Variants in COPG2 observed in about 807,000 individuals in gnomAD.
COPG2 encodes the protein coat protein complex I subunit gamma 2.
A neutral mutation model predicts 46.3 loss-of-function variants in COPG2; 37 were observed. The observed-to-expected ratio is 0.80, with a 90% CI of 0.61 to 1.05. The LOEUF (loss-of-function observed/expected upper bound fraction) is 1.05, where lower values mean the gene tolerates loss of function less well. Among genes scored for constraint, COPG2 ranks in the 50% least tolerant of loss-of-function variants. The pLI, the probability that COPG2 is intolerant of heterozygous loss-of-function variation, is 0.00. For missense variants in COPG2, 427 were observed against 387.8 expected, an observed-to-expected ratio of 1.10 and a Z score of -0.85; for synonymous variants, 159 against 129.7, an observed-to-expected ratio of 1.23 and a Z score of -1.53.
chr7:130,612,384 C>T (rs563413446), intron 7 of COPG2, 146 bp from the exon 8 acceptor site: 11 of 587,890 alleles, frequency 1.9e-5, no homozygotes, highest in East Asian at 2.9e-5. Context: ...TGTGTCTTTA[C>T]TCCTGGAGCA....
chr7:130,590,888 C>T (rs1794391621), intron 9 of COPG2, among the ~76,000 whole-genome samples: 1 of 149,770 alleles, frequency 6.7e-6, no homozygotes, highest in Non-Finnish European at 1.5e-5. Flanking sequence ...AGTGAGGAGA[C>T]CCTCTGCCTG....
chr7:130,517,708 A>AT (rs1222284238), intron 20 of COPG2, among the ~76,000 whole-genome samples: 1 of 152,234 alleles, frequency 6.6e-6, no homozygotes, highest in Non-Finnish European at 1.5e-5. Flanking sequence ...TGCTATGATA[A>AT]TTTAATGCTA....
chr7:130,667,022 G>T, intron 2 of COPG2, 93 bp from the exon 3 acceptor site: 2 of 647,314 alleles, frequency 3.1e-6, no homozygotes, highest in Non-Finnish European at 2.6e-6. Context: ...TTTTAATCAC[G>T]GTATCCAAAG....
chr7:130,663,443 A>G (rs1163924875), intron 3 of COPG2, among the ~76,000 whole-genome samples: 1 of 152,174 alleles, frequency 6.6e-6, no homozygotes, highest in Non-Finnish European at 1.5e-5. Flanking sequence ...CTAACATGTC[A>G]TGGGAGCATA....
At chr7:130,637,574 C>T (rs1263073389) in intron 5 of COPG2, among the ~76,000 whole-genome samples, 1 of 152,122 alleles carries the variant, frequency 6.6e-6, no homozygotes, top group African/African-American at 2.4e-5. Flanking sequence ...TCAGCTACAT[C>T]AGGTTATTTA....
chr7:130,545,732 CAA>C (rs1316142366), intron 20 of COPG2, among the ~76,000 whole-genome samples: 4 of 152,014 alleles, frequency 2.6e-5, no homozygotes, highest in Non-Finnish European at 5.9e-5. Context: ...AACCATCAAG[CAA>C]AAGAGTCCAT....
intron 9 of COPG2, among the ~76,000 whole-genome samples, chr7:130,588,487 T>C (rs1794330174): frequency 6.6e-6 from 1 of 152,110 alleles, no homozygotes; most frequent in Non-Finnish European, 1.5e-5. Context: ...TGAGTTCATG[T>C]TCTTTGTAGG....
At chr7:130,547,411 T>G in intron 20 of COPG2, 1 of 338,996 alleles carries the variant, frequency 2.9e-6, no homozygotes, top group Non-Finnish European at 5.3e-6. Context: ...TTTGTGCTAC[T>G]GCTATACACA....
intron 15 of COPG2, 30 bp downstream of exon 15, chr7:130,552,325 T>G (rs2116388692): frequency 2.5e-6 from 1 of 398,198 alleles, no homozygotes; most frequent in South Asian, 1.3e-4. Flanking sequence ...AATTCTTATT[T>G]TTTTTTAGAA....
intron 9 of COPG2, among the ~76,000 whole-genome samples, chr7:130,564,695 C>A (rs1397421846): frequency 2.2e-4 from 34 of 152,132 alleles, no homozygotes; most frequent in Admixed American, 2.2e-3. Flanking sequence ...TCTCAATTTC[C>A]ATGCACCTCT....
rs185183987 is a variant in COPG2, at chr7:130,571,868, C to T, written c.738-7475G>A. Among the ~76,000 whole-genome samples, 736 of 151,638 alleles carry T rather than the reference C, an allele frequency of 4.9e-3. 3 individuals are homozygous for T. Among genetic ancestry groups the T allele is most frequent in the Middle Eastern group, 0.02 (6 of 294 alleles). ...CTCTATATATATATATATACACAAACGCGCGCACACACACATATATACACC... is the reference window on the plus strand; with the variant it reads ...CTCTATATATATATATATACACAAATGCGCGCACACACACATATATACACC... On this transcript the variant is annotated intron_variant, in intron 9 of 23. Transcript: ENST00000425248.
At position 130,659,353 on chromosome 7, in the gene COPG2, T is replaced by TCAAAAAAAAAAAAA. The variant is rs1178458658; in HGVS notation, c.243+3600_243+3613dup. Among the ~76,000 whole-genome samples the TCAAAAAAAAAAAAA allele has an allele frequency of 8.6e-4, 6 of 7,006 alleles. 1 individual carries two copies. Among genetic ancestry groups the TCAAAAAAAAAAAAA allele is most frequent in the Non-Finnish European group, 3.1e-3 (5 of 1,632 alleles). 4.6% of individuals were successfully genotyped at this position (7,006 alleles called of 152,430 possible). A position where few individuals can be genotyped will look rare whatever the true frequency, so the allele number is the denominator to read the frequency against. ...CTGGGCGACAGAGCAAGACTCCGTC[T>TCAAAAAAAAAAAAA]CAAAAAAAAAAAAAACGAACAAACA... On this transcript the variant is annotated intron_variant, in intron 4 of 23. Coordinates refer to ENST00000425248, the MANE Select transcript of COPG2 (RefSeq NM_012133.6).
chr7:130,512,749 AAAG>A (rs1317110816), intron 20 of COPG2, among the ~76,000 whole-genome samples: 5 of 152,162 alleles, frequency 3.3e-5, no homozygotes, highest in Admixed American at 2.0e-4. Flanking sequence ...CGTCTCAAAA[AAAG>A]AAAAAAGAGA....
intron 5 of COPG2, among the ~76,000 whole-genome samples, chr7:130,649,530 G>A (rs1403805447): frequency 6.6e-6 from 1 of 152,112 alleles, no homozygotes; most frequent in African/African-American, 2.4e-5. Context: ...CAGTATACAA[G>A]CCTGATGAGC....
intron 4 of COPG2, among the ~76,000 whole-genome samples, chr7:130,660,975 G>A (rs1345484598): frequency 5.9e-5 from 9 of 152,100 alleles, no homozygotes; most frequent in African/African-American, 2.2e-4. Context: ...CACTAACCTG[G>A]CAAAACTTCA....
chr7:130,666,282 GATCTTGCACTGT>G (rs1796077886), intron 3 of COPG2, among the ~76,000 whole-genome samples: 1 of 152,166 alleles, frequency 6.6e-6, no homozygotes, highest in African/African-American at 2.4e-5. Flanking sequence ...GAATTTGCCT[GATCTTGCACTGT>G]ATTTTCAGAA....
At chr7:130,570,106 A>G (rs1793870994) in intron 9 of COPG2, among the ~76,000 whole-genome samples, 6 of 152,220 alleles carry the variant, frequency 3.9e-5, no homozygotes, top group Admixed American at 3.9e-4. Flanking sequence ...ATTATACTGA[A>G]CAGGAAAAAG....
chr7:130,535,806 T>A (rs1276846818), intron 20 of COPG2, among the ~76,000 whole-genome samples: 1 of 151,944 alleles, frequency 6.6e-6, no homozygotes, highest in Non-Finnish European at 1.5e-5. Context: ...GGTGGACAAT[T>A]ACATGTTGAG....
At chr7:130,527,045 G>C (rs1316229578) in intron 20 of COPG2, among the ~76,000 whole-genome samples, 23 of 151,844 alleles carry the variant, frequency 1.5e-4, no homozygotes, top group Non-Finnish European at 4.4e-5. Context: ...GGGGGTGATG[G>C]ATACTGGCTG....
Sources: gnomAD v4.1 joint callset for allele counts (sites outside exome capture counted in the v4.1 genomes callset) on GRCh38, gnomAD v4.1.1 for gene constraint, MANE v1.5 for transcripts, NCBI Gene and HGNC (gene_info 2026-07-23, HGNC 2026-07-21) for gene names.